ZFHX3: variants seen among roughly 807,000 people sequenced by gnomAD.
ZFHX3 encodes the protein zinc finger homeobox 3, also known as zinc finger homeobox protein 3.
A neutral mutation model predicts 279.1 loss-of-function variants in ZFHX3; 42 were observed. That is an observed-to-expected ratio of 0.15 (90% CI 0.12 to 0.19). The LOEUF (loss-of-function observed/expected upper bound fraction) is 0.19, where lower values mean the gene tolerates loss of function less well. ZFHX3 is among the 10% of genes least tolerant of loss of function. The pLI, the probability that ZFHX3 is intolerant of heterozygous loss-of-function variation, is 1.00. For synonymous variants in ZFHX3, 2,293 were observed against 1,957.8 expected (o/e 1.17, Z -4.52); for missense variants, 4,981 against 4,754.0 (o/e 1.05, Z -1.40).
At chr16:73,408,620 C>A (rs567718759) in intron 3 of ZFHX3, among the ~76,000 whole-genome samples, 3 of 152,120 alleles carry the variant, frequency 2.0e-5, no homozygotes, top group Admixed American at 2.0e-4. Context: ...ACGAGCAGAG[C>A]GGGGCTTTGG....
chr16:73,006,761 A>G (rs922325078), intron 1 of ZFHX3, among the ~76,000 whole-genome samples: 2 of 152,174 alleles, frequency 1.3e-5, no homozygotes, highest in South Asian at 2.1e-4. Flanking sequence ...GTCCCTTGCT[A>G]TATCTCCCAT....
chr16:73,531,462 T>C (rs2019800906), intron 2 of ZFHX3, among the ~76,000 whole-genome samples: 1 of 152,096 alleles, frequency 6.6e-6, no homozygotes, highest in Non-Finnish European at 1.5e-5. Context: ...CTCCTGTAAT[T>C]ACAGCACTTT....
At chr16:73,702,966 A>G (rs1271673058) in intron 1 of ZFHX3, among the ~76,000 whole-genome samples, 1 of 152,186 alleles carries the variant, frequency 6.6e-6, no homozygotes, top group Non-Finnish European at 1.5e-5. Context: ...GAACACTTCC[A>G]TGGCTCAGTA....
chr16:73,263,892 C>T (rs756705633), intron 4 of ZFHX3, among the ~76,000 whole-genome samples: 6 of 152,176 alleles, frequency 3.9e-5, no homozygotes, highest in South Asian at 2.1e-4. Context: ...GATGGCCAGG[C>T]GCAGTGGCTC....
chr16:73,600,681 A>G (rs2052104157), intron 2 of ZFHX3, among the ~76,000 whole-genome samples: 1 of 151,958 alleles, frequency 6.6e-6, no homozygotes, highest in Admixed American at 6.6e-5. Flanking sequence ...CGGCCTCCCA[A>G]AGTGCTAGGA....
At chr16:73,301,993 A>C (rs570403010) in intron 4 of ZFHX3, among the ~76,000 whole-genome samples, 1 of 151,936 alleles carries the variant, frequency 6.6e-6, no homozygotes, top group African/African-American at 2.4e-5. Context: ...GTGCGCCCCA[A>C]CCTGTGCACC....
chr16:73,430,662 G>C (rs936553138), intron 3 of ZFHX3, among the ~76,000 whole-genome samples: 2 of 152,188 alleles, frequency 1.3e-5, no homozygotes, highest in Non-Finnish European at 2.9e-5. Flanking sequence ...TGAGCCTGTG[G>C]GGGTATTAAT....
chr16:72,847,304 C>CTCAA (rs2037505173), intron 4 of ZFHX3, among the ~76,000 whole-genome samples: 1 of 152,166 alleles, frequency 6.6e-6, no homozygotes, highest in Non-Finnish European at 1.5e-5. Context: ...CTCAGCACTA[C>CTCAA]CTAAGACGTG....
At chr16:73,071,476 TGCCGCCGCC>T (rs59328820) in intron 8 of ZFHX3, among the ~76,000 whole-genome samples, 4 of 151,068 alleles carry the variant, frequency 2.6e-5, no homozygotes, top group African/African-American at 7.4e-5. Context: ...CTGCTGCTGC[TGCCGCCGCC>T]GCCGCCGCCG....
chr16:73,442,059 G>A (rs1245238700), intron 3 of ZFHX3, among the ~76,000 whole-genome samples: 1 of 152,160 alleles, frequency 6.6e-6, no homozygotes, highest in Non-Finnish European at 1.5e-5. Flanking sequence ...AGGCAGGCAG[G>A]CAATGATGGC....
At chr16:73,416,689 T>A (rs867162006) in intron 3 of ZFHX3, among the ~76,000 whole-genome samples, 24 of 151,958 alleles carry the variant, frequency 1.6e-4, no homozygotes, top group African/African-American at 5.5e-4. Flanking sequence ...CTGGCTAACA[T>A]GGTGAAACCC....
At chr16:73,814,292 A>G (rs980192848) in intron 1 of ZFHX3, among the ~76,000 whole-genome samples, 22 of 152,178 alleles carry the variant, frequency 1.4e-4, no homozygotes, top group Non-Finnish European at 2.9e-4. Flanking sequence ...TTCTTACTGT[A>G]AAGCCATAAA....
chr16:73,883,399 A>ATGTG lies in ZFHX3; in HGVS notation c.-1608+8248_-1608+8251dup, dbSNP rs34914604. On this transcript the variant is annotated intron_variant, in intron 1 of 17. Coordinates refer to the ZFHX3 transcript ENST00000641206. ...ACACAGTAGCACATAAGCCATATAT[A>ATGTG]TGTGTGTGTGTGTGTGTGTGTGTGT... 8.2e-3 allele frequency among the ~76,000 whole-genome samples: 1,221 copies of ATGTG among 149,162 alleles called. 12 individuals carry two copies. The highest frequency in any genetic ancestry group is 0.023 in the African/African-American group (924 of 40,442).
chr16:73,543,334 T>A (rs971793869), intron 2 of ZFHX3, among the ~76,000 whole-genome samples: 1 of 152,218 alleles, frequency 6.6e-6, no homozygotes, highest in African/African-American at 2.4e-5. Context: ...TTTCTTCCAG[T>A]ACTCAACTTG....
At chr16:73,596,329 A>G (rs2052049936) in intron 2 of ZFHX3, among the ~76,000 whole-genome samples, 1 of 152,022 alleles carries the variant, frequency 6.6e-6, no homozygotes, top group Admixed American at 6.6e-5. Context: ...GGCCTCGACC[A>G]TTACTTTCTA....
intron 2 of ZFHX3, among the ~76,000 whole-genome samples, chr16:73,478,778 C>G (rs145363891): frequency 1.6e-4 from 25 of 152,268 alleles, no homozygotes; most frequent in African/African-American, 5.8e-4. Flanking sequence ...TCAAGCTGGG[C>G]GCGGTGGCTC....
intron 3 of ZFHX3, among the ~76,000 whole-genome samples, chr16:73,344,320 A>G (rs2016087390): frequency 6.6e-6 from 1 of 152,218 alleles, no homozygotes; most frequent in Admixed American, 6.5e-5. Context: ...AAATTGAGTA[A>G]CCTTCTACAA....
chr16:73,732,936 G>T (rs328353), intron 1 of ZFHX3, among the ~76,000 whole-genome samples: 132,259 of 152,174 alleles, frequency 0.87, 58,429 homozygotes, highest in Non-Finnish European at 0.95. Flanking sequence ...TCCTGTCATG[G>T]ATCATATAGA....
intron 2 of ZFHX3, among the ~76,000 whole-genome samples, chr16:73,574,910 C>T (rs1044500373): frequency 3.9e-5 from 6 of 152,146 alleles, no homozygotes; most frequent in African/African-American, 1.4e-4. Context: ...TGACCCACAG[C>T]CCCCTGGAAG....
Sources: gnomAD v4.1 joint callset for allele counts (sites outside exome capture counted in the v4.1 genomes callset) on GRCh38, gnomAD v4.1.1 for gene constraint, MANE v1.5 for transcripts, NCBI Gene and HGNC (gene_info 2026-07-23, HGNC 2026-07-21) for gene names.